Variants in ROBO2 observed in about 807,000 individuals in gnomAD.
The protein encoded by ROBO2 is roundabout homolog 2.
Under a neutral mutation model 160.8 loss-of-function variants are expected in ROBO2, and 53 were observed. The observed-to-expected ratio is 0.33, with a 90% CI of 0.26 to 0.41. The LOEUF is 0.41. Among genes scored for constraint, ROBO2 ranks in the 10% least tolerant of loss-of-function variants. ROBO2 has a pLI of 1.00. For synonymous variants in ROBO2, 664 were observed against 611.7 expected, an observed-to-expected ratio of 1.09 and a Z score of -1.26; for missense variants, 1,577 against 1,722.4, an observed-to-expected ratio of 0.92 and a Z score of 1.49.
Position 77,283,568 on chromosome 3 carries a change from T to C in ROBO2, c.388+185228T>C, listed in dbSNP as rs184720604. ...ACTCTTTAAAATGATCAAAGTTACA[T>C]ATTTAAATATATAAATGAAATATAT... is the stretch of plus-strand genomic sequence containing the variant. On this transcript the variant is annotated intron_variant, in intron 2 of 25. Coordinates refer to ENST00000461745, the Ensembl canonical transcript of ROBO2. Among the ~76,000 whole-genome samples, 314 of 152,312 alleles carry C rather than the reference T, an allele frequency of 2.1e-3. 9 individuals are homozygous for C. Among genetic ancestry groups the C allele is most frequent in the Non-Finnish European group, 2.9e-4 (20 of 68,022 alleles).
chr3:77,297,264 G>A (rs146791093), intron 2 of ROBO2, among the ~76,000 whole-genome samples: 59 of 152,166 alleles, frequency 3.9e-4, no homozygotes, highest in African/African-American at 1.3e-3. Context: ...GTCAATTTAC[G>A]AGTGATAGTT....
intron 2 of ROBO2, among the ~76,000 whole-genome samples, chr3:77,378,847 C>T (rs940673200): frequency 6.6e-6 from 1 of 152,020 alleles, no homozygotes; most frequent in South Asian, 2.1e-4. Flanking sequence ...CCATTCAATT[C>T]GTGTTTCTTC....
chr3:76,477,603 C>A (rs1483406855), intron 2 of ROBO2, among the ~76,000 whole-genome samples: 1 of 152,096 alleles, frequency 6.6e-6, no homozygotes, highest in Non-Finnish European at 1.5e-5. Context: ...ATCTTAATAA[C>A]ATGTCCATTT....
chr3:76,208,258 C>A (rs1175233683), intron 2 of ROBO2, among the ~76,000 whole-genome samples: 1 of 152,088 alleles, frequency 6.6e-6, no homozygotes, highest in African/African-American at 2.4e-5. Flanking sequence ...TCTGAGTGAT[C>A]AAGATTAGAA....
chr3:77,044,783 T>A (rs1224250618), intron 1 of ROBO2, among the ~76,000 whole-genome samples: 1 of 152,208 alleles, frequency 6.6e-6, no homozygotes, highest in Non-Finnish European at 1.5e-5. Flanking sequence ...TTTTCCAGTT[T>A]ACACAAGTAA....
chr3:76,970,289 A>AT (rs1405853064), intron 2 of ROBO2, among the ~76,000 whole-genome samples: 2 of 152,126 alleles, frequency 1.3e-5, no homozygotes, highest in African/African-American at 2.4e-5. Flanking sequence ...GGGAAAGGAG[A>AT]TTTTAAGTAA....
chr3:76,818,271 G>T (rs1157612337), intron 2 of ROBO2, among the ~76,000 whole-genome samples: 1 of 151,894 alleles, frequency 6.6e-6, no homozygotes, highest in Non-Finnish European at 1.5e-5. Context: ...TCATATCTTT[G>T]TTGGGCATTT....
At chr3:77,137,339 G>C (rs1051204589) in intron 2 of ROBO2, among the ~76,000 whole-genome samples, 1 of 152,098 alleles carries the variant, frequency 6.6e-6, no homozygotes, top group Non-Finnish European at 1.5e-5. Flanking sequence ...GGATTCCCCT[G>C]CCTCAGCCTC....
chr3:77,574,650 A>T (rs2093717253), exon 14 of ROBO2: 1 of 1,613,296 alleles, frequency 6.2e-7, no homozygotes, highest in Non-Finnish European at 8.5e-7. Flanking sequence ...GGGGTGACTT[A>T]TGAAATTAAA....
At chr3:77,354,899 T>A (rs964993647) in intron 2 of ROBO2, among the ~76,000 whole-genome samples, 3 of 152,192 alleles carry the variant, frequency 2.0e-5, no homozygotes, top group Non-Finnish European at 4.4e-5. Context: ...TAATAAGACG[T>A]TGCATCCCAT....
Position 77,325,742 on chromosome 3 carries a change from GTAAC to G in ROBO2, c.389-151669_389-151666del, listed in dbSNP as rs554281626. 2.5e-3 allele frequency among the ~76,000 whole-genome samples: 385 copies of G among 152,288 alleles called. 2 individuals are homozygous for G. The highest frequency in any genetic ancestry group is 8.8e-3 in the African/African-American group (367 of 41,564). On this transcript the variant is annotated intron_variant, in intron 2 of 25. Transcript: ENST00000461745. ...AATTTGGTTCACATAAATATGAACTGTAACTATCTATTAGGCACATACTGGTTGT... is the reference window on the plus strand; with the variant it reads ...AATTTGGTTCACATAAATATGAACTGTATCTATTAGGCACATACTGGTTGT...
At chr3:77,616,988 T>A (rs1416429164) in intron 21 of ROBO2, among the ~76,000 whole-genome samples, 1 of 152,150 alleles carries the variant, frequency 6.6e-6, no homozygotes, top group African/African-American at 2.4e-5. Flanking sequence ...CTGAGAAAAT[T>A]AAGAGAATCA....
chr3:76,557,006 A>G (rs555003991), intron 2 of ROBO2, among the ~76,000 whole-genome samples: 3 of 152,064 alleles, frequency 2.0e-5, no homozygotes, highest in Non-Finnish European at 4.4e-5. Context: ...ATGAACATTT[A>G]GCTTATTTAC....
intron 2 of ROBO2, among the ~76,000 whole-genome samples, chr3:77,403,619 T>TGTGTG (rs1491148217): frequency 3.7e-5 from 1 of 27,186 alleles, no homozygotes; most frequent in African/African-American, 1.6e-4. Context: ...TGTGTGTGTA[T>TGTGTG]TTTTTTTTTT....
chr3:76,909,276 A>G (rs2075816826), intron 2 of ROBO2, among the ~76,000 whole-genome samples: 1 of 152,204 alleles, frequency 6.6e-6, no homozygotes. Flanking sequence ...AACAGATAGA[A>G]ATAAACCAAA....
chr3:76,934,183 C>T (rs529587098), intron 2 of ROBO2, among the ~76,000 whole-genome samples: 1 of 146,596 alleles, frequency 6.8e-6, no homozygotes, highest in African/African-American at 2.5e-5. Context: ...CTGGAAGTGA[C>T]TTGTGTATGA....
intron 1 of ROBO2, among the ~76,000 whole-genome samples, chr3:75,930,239 A>G (rs1442224955): frequency 2.0e-5 from 3 of 152,206 alleles, no homozygotes; most frequent in Admixed American, 6.5e-5. Context: ...CCTCCTGGAC[A>G]TCACTCCTTG....
intron 2 of ROBO2, among the ~76,000 whole-genome samples, chr3:76,854,567 T>A (rs1002786363): frequency 1.3e-5 from 2 of 152,184 alleles, no homozygotes; most frequent in Non-Finnish European, 2.9e-5. Flanking sequence ...ATGAATCTTT[T>A]AGTTCAACTT....
intron 2 of ROBO2, among the ~76,000 whole-genome samples, chr3:76,412,698 T>C (rs547719083): frequency 3.0e-4 from 45 of 152,328 alleles, no homozygotes; most frequent in Middle Eastern, 3.4e-3. Flanking sequence ...TGGATTCCCA[T>C]GGTCTTGCAC....
Sources: gnomAD v4.1 joint callset for allele counts (sites outside exome capture counted in the v4.1 genomes callset) on GRCh38, gnomAD v4.1.1 for gene constraint, MANE v1.5 for transcripts, NCBI Gene and HGNC (gene_info 2026-07-23, HGNC 2026-07-21) for gene names.